PKHD1: variants seen among roughly 807,000 people sequenced by gnomAD.
PKHD1 encodes fibrocystin.
In PKHD1, 291 loss-of-function variants were observed where a neutral mutation model predicts 412.0. The ratio of observed to expected loss-of-function variants is 0.71; its 90% confidence interval spans 0.64 to 0.78. The LOEUF is 0.78. PKHD1 is among the 30% of genes least tolerant of loss of function. The pLI, the probability that PKHD1 is intolerant of heterozygous loss-of-function variation, is 0.00. For missense variants in PKHD1, 4,825 were observed against 4,950.7 expected (o/e 0.97, Z 0.76); for synonymous variants, 1,777 against 1,821.5 (o/e 0.98, Z 0.62).
intron 61 of PKHD1, among the ~76,000 whole-genome samples, chr6:51,652,497 C>G (rs1013057914): frequency 6.6e-6 from 1 of 151,912 alleles, no homozygotes; most frequent in African/African-American, 2.4e-5. Flanking sequence ...AAGCCGAGTT[C>G]CTATAAAAAG....
chr6:51,651,039 G>C (rs560108938), intron 61 of PKHD1, among the ~76,000 whole-genome samples: 2 of 152,188 alleles, frequency 1.3e-5, no homozygotes, highest in South Asian at 4.1e-4. Flanking sequence ...AGCAGTCTGG[G>C]TTAAAGAGAC....
At chr6:51,940,200 G>A (rs977102654) in intron 36 of PKHD1, among the ~76,000 whole-genome samples, 21 of 151,566 alleles carry the variant, frequency 1.4e-4, no homozygotes, top group East Asian at 9.7e-4. Flanking sequence ...TACCCAATCC[G>A]CTCCTGACAT....
At chr6:52,053,938 A>G in intron 20 of PKHD1, 100 bp downstream of exon 20, 1 of 1,277,518 alleles carries the variant, frequency 7.8e-7, no homozygotes, top group Non-Finnish European at 1.1e-6. Context: ...ATGAGGCCCA[A>G]ATATAAGACC....
At chr6:51,981,516 G>C (rs1795283197) in intron 35 of PKHD1, among the ~76,000 whole-genome samples, 1 of 151,586 alleles carries the variant, frequency 6.6e-6, no homozygotes, top group African/African-American at 2.4e-5. Flanking sequence ...ACGGGGTTTT[G>C]CTGTGTTGGC....
chr6:51,801,654 T>TGTGTGTGTGTGTGTGTGAGAGAGA (rs751203950), intron 52 of PKHD1, among the ~76,000 whole-genome samples: 2 of 114,210 alleles, frequency 1.8e-5, no homozygotes. Context: ...TGTGTGTGTG[T>TGTGTGTGTGTGTGTGTGAGAGAGA]GAGAGAGAGA....
chr6:51,833,935 T>C (rs1454860275), intron 51 of PKHD1, among the ~76,000 whole-genome samples: 1 of 152,126 alleles, frequency 6.6e-6, no homozygotes, highest in Non-Finnish European at 1.5e-5. Context: ...GGACCAACAC[T>C]CCTGATGAGG....
rs1340851776 is a variant in PKHD1, at chr6:51,959,988, C to G, written c.5790G>C (p.Arg1930Ser). ...GCCTTTCAGGAAACCAGCTGTGAGT[C>G]CTGGACCATCTCCGGCAGAACTGTA... ...FSLQFCRRWS[R>S]THSWFPERLP... The change falls in exon 36 of 67, where the codon AGG (arginine) becomes AGC (serine). Residue 1930 changes from arginine to serine, a missense_variant. Coordinates refer to ENST00000371117, the MANE Select transcript of PKHD1 (RefSeq NM_138694.4). 1 of 1,613,448 alleles carries G rather than the reference C, an allele frequency of 6.2e-7. No homozygotes were observed. Among genetic ancestry groups the G allele is most frequent in the Non-Finnish European group, 8.5e-7 (1 of 1,179,612 alleles).
At position 51,807,485 on chromosome 6, in the gene PKHD1, A is replaced by ATATATATGTGTGTGTG. The variant is rs765667001; in HGVS notation, c.8303-16113_8303-16112insCACACACACATATATA. 8.6e-3 allele frequency among the ~76,000 whole-genome samples: 959 copies of ATATATATGTGTGTGTG among 111,730 alleles called. 47 individuals are homozygous for ATATATATGTGTGTGTG. Among genetic ancestry groups the ATATATATGTGTGTGTG allele is most frequent in the African/African-American group, 0.035 (902 of 25,766 alleles). 73.3% of individuals were successfully genotyped at this position (111,730 alleles called of 152,430 possible). ...TATATATATATATATATATATGTAT[A>ATATATATGTGTGTGTG]TGTGTGTGTGTGTGTGTGTGTGTGT... On this transcript the variant is annotated intron_variant, in intron 52 of 66. Transcript: ENST00000371117.
At chr6:51,994,479 C>T (rs1196865648) in intron 35 of PKHD1, among the ~76,000 whole-genome samples, 1 of 152,162 alleles carries the variant, frequency 6.6e-6, no homozygotes, top group African/African-American at 2.4e-5. Context: ...TTACTAATTG[C>T]TTACAGAATT....
chr6:52,025,205 G>A lies in PKHD1; in HGVS notation c.4605C>T (p.His1535=), dbSNP rs1156915554. 7 of 1,614,040 alleles carry A rather than the reference G, an allele frequency of 4.3e-6. No individual in the cohort carries two copies. The highest frequency in any genetic ancestry group is 1.3e-5 in the African/African-American group (1 of 74,912). Residue 1535 remains histidine, a synonymous_variant, in exon 32 of 67, where the codon CAC becomes CAT. Transcript: ENST00000371117. ...PCNVTFFNAS[H]VVCQTRDLAP... ...CCAAGTCTCTTGTCTGGCACACAAC[G>A]TGGCTTGCATTAAAAAAAGTTACAT... is the stretch of plus-strand genomic sequence containing the variant.
At chr6:51,923,359 C>T (rs1785005489) in intron 37 of PKHD1, among the ~76,000 whole-genome samples, 1 of 151,934 alleles carries the variant, frequency 6.6e-6, no homozygotes, top group African/African-American at 2.4e-5. Context: ...CTGAACTTTG[C>T]CCTTATAGTG....
At position 51,659,210 on chromosome 6, in the gene PKHD1, G is replaced by T. The variant is rs147843070; in HGVS notation, c.10916C>A (p.Pro3639His). The T allele has an allele frequency of 1.9e-5, 31 of 1,613,660 alleles. No individual in the cohort carries two copies. The African/African-American group carries it at 3.1e-4, about 16-fold the overall frequency. ...SHYRRVGQRRPLMMEMNSHRA... is the reference protein window; with the variant it reads ...SHYRRVGQRRHLMMEMNSHRA... ...ATGTGAGTTCATTTCCATCATGAGA[G>T]GCCTACGTTGACCAACTCTTCTATA... is the stretch of plus-strand genomic sequence containing the variant. Residue 3639 changes from proline to histidine, a missense_variant, in exon 61 of 67, where the codon CCT (proline) becomes CAT (histidine). Coordinates refer to ENST00000371117, the MANE Select transcript of PKHD1 (RefSeq NM_138694.4).
chr6:51,954,917 T>A (rs2127912803), intron 36 of PKHD1, among the ~76,000 whole-genome samples: 1 of 152,160 alleles, frequency 6.6e-6, no homozygotes, highest in African/African-American at 2.4e-5. Context: ...TATGAATGTT[T>A]CCCCAACTAC....
chr6:51,756,853 C>G (rs10948643), intron 55 of PKHD1, among the ~76,000 whole-genome samples: 1 of 151,926 alleles, frequency 6.6e-6, no homozygotes, highest in Non-Finnish European at 1.5e-5. Flanking sequence ...AGTCCCCAAG[C>G]TTTTTGGCAC....
intron 54 of PKHD1, among the ~76,000 whole-genome samples, chr6:51,773,663 A>G (rs1479889343): frequency 6.6e-6 from 1 of 151,650 alleles, no homozygotes; most frequent in Non-Finnish European, 1.5e-5. Flanking sequence ...GATGCACTGT[A>G]TTTTATTGCA....
chr6:51,751,130 A>G (rs1453724396), intron 57 of PKHD1, among the ~76,000 whole-genome samples: 2 of 152,162 alleles, frequency 1.3e-5, no homozygotes, highest in African/African-American at 2.4e-5. Context: ...CCTTTTGAAA[A>G]TCACTACTGA....
At chr6:52,031,796 C>T (rs990287531) in intron 29 of PKHD1, among the ~76,000 whole-genome samples, 1 of 152,184 alleles carries the variant, frequency 6.6e-6, no homozygotes, top group Non-Finnish European at 1.5e-5. Flanking sequence ...TTATAACATG[C>T]TCCTTTTTAT....
intron 36 of PKHD1, among the ~76,000 whole-genome samples, chr6:51,955,993 A>G (rs1421152177): frequency 6.6e-6 from 1 of 152,020 alleles, no homozygotes; most frequent in African/African-American, 2.4e-5. Context: ...TGATTATTCA[A>G]TCTTATATTT....
At chr6:51,947,943 T>C (rs752249868) in intron 36 of PKHD1, among the ~76,000 whole-genome samples, 4 of 152,142 alleles carry the variant, frequency 2.6e-5, no homozygotes, top group Non-Finnish European at 2.9e-5. Context: ...GTCCTTCCCA[T>C]TCCATGAATG....
Sources: allele counts gnomAD v4.1 joint callset (sites outside exome capture counted in the v4.1 genomes callset), GRCh38; gene constraint gnomAD v4.1.1; transcripts MANE v1.5; gene names NCBI Gene and HGNC (gene_info 2026-07-23, HGNC 2026-07-21).